The following AGBL1 variants were observed in gnomAD, a reference collection of about 807,000 sequenced individuals.
AGBL1 encodes AGBL carboxypeptidase 1.
Under a neutral mutation model 118.9 loss-of-function variants are expected in AGBL1, and 130 were observed. The observed-to-expected ratio is 1.09, with a 90% CI of 0.95 to 1.26. The LOEUF is 1.26. Among genes scored for constraint, AGBL1 ranks in the 50% most tolerant of loss-of-function variants. The probability of loss-of-function intolerance (pLI) is 0.00; values close to 1 mark genes in which losing one functional copy is unlikely to be tolerated. For synonymous variants in AGBL1, 555 were observed against 478.9 expected (o/e 1.16, Z -2.08); for missense variants, 1,584 against 1,298.1 (o/e 1.22, Z -3.38).
rs1226144787 is a variant in AGBL1, at chr15:86,365,000, T to C, written c.2375-32366T>C. 2.7e-4 allele frequency among the ~76,000 whole-genome samples: 35 copies of C among 131,414 alleles called. 2 individuals are homozygous for C. The East Asian group carries it at 4.3e-3, about 16-fold the overall frequency. The allele number at this position is 131,414 out of a possible 152,430, so 86.2% of individuals were successfully genotyped here. On this transcript the variant is annotated intron_variant, in intron 17 of 22. Transcript: ENST00000614907. Reference sequence around the variant, plus strand: ...ATATATATATATATACACACACACATATATATATACACACACATATATATA... The same window carrying C: ...ATATATATATATATACACACACACACATATATATACACACACATATATATA...
At chr15:86,476,225 T>C (rs541000208) in intron 18 of AGBL1, among the ~76,000 whole-genome samples, 1 of 152,168 alleles carries the variant, frequency 6.6e-6, no homozygotes, top group Admixed American at 6.5e-5. Context: ...AATTCACACC[T>C]AACAATATTA....
At chr15:86,829,597 A>G (rs963343738) in intron 22 of AGBL1, among the ~76,000 whole-genome samples, 2 of 152,118 alleles carry the variant, frequency 1.3e-5, no homozygotes, top group Non-Finnish European at 2.9e-5. Flanking sequence ...TTTCAAATGG[A>G]AAGAAAAGTA....
At chr15:86,462,842 T>C (rs1053707342) in intron 18 of AGBL1, among the ~76,000 whole-genome samples, 9 of 152,230 alleles carry the variant, frequency 5.9e-5, no homozygotes, top group Non-Finnish European at 1.2e-4. Context: ...CAGTCTAACA[T>C]TGATGGGCTT....
chr15:86,753,026 G>A (rs1008606435), intron 22 of AGBL1, among the ~76,000 whole-genome samples: 1 of 151,980 alleles, frequency 6.6e-6, no homozygotes, highest in Admixed American at 6.6e-5. Flanking sequence ...TTTATAAGAC[G>A]CTGTCCTATT....
intron 5 of AGBL1, among the ~76,000 whole-genome samples, chr15:86,221,354 T>A (rs2078278055): frequency 6.6e-6 from 1 of 152,212 alleles, no homozygotes; most frequent in African/African-American, 2.4e-5. Flanking sequence ...CTCAATACAA[T>A]GGGCTTGGCT....
intron 22 of AGBL1, among the ~76,000 whole-genome samples, chr15:86,739,110 C>T (rs2077641283): frequency 6.6e-6 from 1 of 152,114 alleles, no homozygotes; most frequent in Non-Finnish European, 1.5e-5. Context: ...CACACCACTG[C>T]ATTCCAGTCT....
At chr15:86,294,553 C>T (rs1164431648) in intron 16 of AGBL1, among the ~76,000 whole-genome samples, 1 of 151,800 alleles carries the variant, frequency 6.6e-6, no homozygotes, top group Non-Finnish European at 1.5e-5. Flanking sequence ...AGCAGTCCCC[C>T]TGGATTAACC....
intron 22 of AGBL1, among the ~76,000 whole-genome samples, chr15:86,881,712 G>A (rs117572861): frequency 0.039 from 5,909 of 152,156 alleles, 302 homozygotes; most frequent in East Asian, 0.26. Context: ...TCAGCTCACT[G>A]CAACCTCCGC....
At chr15:86,566,307 G>GA (rs1228785479) in intron 21 of AGBL1, among the ~76,000 whole-genome samples, 2 of 152,204 alleles carry the variant, frequency 1.3e-5, no homozygotes, top group Admixed American at 6.5e-5. Flanking sequence ...TTTCTAGGGA[G>GA]AAAGTGCTCT....
intron 22 of AGBL1, among the ~76,000 whole-genome samples, chr15:86,688,780 A>G (rs761132712): frequency 5.9e-5 from 9 of 152,138 alleles, no homozygotes; most frequent in Non-Finnish European, 1.3e-4. Context: ...ATATCTATAT[A>G]TCTATATATA....
intron 24 of AGBL1, among the ~76,000 whole-genome samples, chr15:87,013,987 G>C (rs1394032292): frequency 1.3e-5 from 2 of 151,930 alleles, no homozygotes; most frequent in Admixed American, 1.3e-4. Context: ...AAGCAAAATA[G>C]AGTCCAACTT....
At chr15:86,996,804 C>T (rs548297148) in intron 24 of AGBL1, among the ~76,000 whole-genome samples, 2 of 152,244 alleles carry the variant, frequency 1.3e-5, no homozygotes, top group Non-Finnish European at 2.9e-5. Context: ...CGCTATTGCT[C>T]ATACTTTAAA....
intron 22 of AGBL1, among the ~76,000 whole-genome samples, chr15:86,856,686 A>G (rs2079486456): frequency 6.6e-6 from 1 of 152,230 alleles, no homozygotes; most frequent in Non-Finnish European, 1.5e-5. Flanking sequence ...CATTCCACAG[A>G]TGAGAAAACT....
At chr15:86,258,154 C>A in intron 9 of AGBL1, 123 bp downstream of exon 9, 1 of 918,730 alleles carries the variant, frequency 1.1e-6, no homozygotes, top group Non-Finnish European at 1.7e-6. Flanking sequence ...TACTGCCACT[C>A]CAGTGGTCGT....
chr15:86,267,053 TCG>T lies in AGBL1; in HGVS notation c.1817_1818del (p.Arg606GlnfsTer7). 3 of 1,566,462 alleles carry T rather than the reference TCG, an allele frequency of 1.9e-6. No homozygotes were observed. The highest frequency in any genetic ancestry group is 1.7e-6 in the Non-Finnish European group (2 of 1,154,298). ...TCTCCAAATTTGAGTCAGGAAATCT[TCG>T]CAAAGCCATCCAAGTGCGTGAGTAA... ...FFSKFESGNL[R>X]KAIQVREFEY... On this transcript the variant is annotated frameshift_variant, in exon 13 of 23. Coordinates refer to ENST00000614907, the MANE Select transcript of AGBL1 (RefSeq NM_001386094.1). LOFTEE classifies it high-confidence loss of function.
At chr15:86,159,063 A>G in intron 5 of AGBL1, 37 bp downstream of exon 5, 4 of 1,579,390 alleles carry the variant, frequency 2.5e-6, no homozygotes, top group Non-Finnish European at 2.6e-6. Flanking sequence ...CCCCTTTTGT[A>G]ACAGATGGAG....
At chr15:86,387,999 G>T (rs781766701) in intron 17 of AGBL1, among the ~76,000 whole-genome samples, 2 of 152,178 alleles carry the variant, frequency 1.3e-5, no homozygotes, top group Non-Finnish European at 2.9e-5. Context: ...TGGAAGGCGG[G>T]TAGGGCTGAA....
chr15:86,391,784 G>A (rs893870116), intron 17 of AGBL1, among the ~76,000 whole-genome samples: 1 of 150,522 alleles, frequency 6.6e-6, no homozygotes, highest in African/African-American at 2.4e-5. Flanking sequence ...CCTTCCAAAC[G>A]GCCTGTGCTT....
chr15:86,484,854 T>A lies in AGBL1; in HGVS notation c.2556-37956T>A, dbSNP rs76382284. Among the ~76,000 whole-genome samples the A allele has an allele frequency of 5.3e-3, 806 of 152,244 alleles. 6 individuals are homozygous for A. The highest frequency in any genetic ancestry group is 0.018 in the African/African-American group (767 of 41,560). ...AACTTTACATCAGGCCAGATCAGAA[T>A]CACTGGAGGTGACTGAAAAACACTT... On this transcript the variant is annotated intron_variant, in intron 18 of 22. Transcript: ENST00000614907.
Sources: gnomAD v4.1 joint callset for allele counts (sites outside exome capture counted in the v4.1 genomes callset) on GRCh38, gnomAD v4.1.1 for gene constraint, MANE v1.5 for transcripts, NCBI Gene and HGNC (gene_info 2026-07-23, HGNC 2026-07-21) for gene names.